The following TAS2R4 variants were observed in gnomAD, a reference collection of about 807,000 sequenced individuals.
TAS2R4 encodes the protein taste 2 receptor member 4, also known as taste receptor type 2 member 4.
TAS2R4 carries 18 observed loss-of-function variants against 14.3 expected under a neutral mutation model. That is an observed-to-expected ratio of 1.26 (90% CI 0.87 to 1.86). The LOEUF (loss-of-function observed/expected upper bound fraction) is 1.86. TAS2R4 is among the 40% of genes most tolerant of loss of function. TAS2R4 has a pLI of 0.00. For missense variants in TAS2R4, 306 were observed against 342.7 expected, an observed-to-expected ratio of 0.89 and a Z score of 0.85; for synonymous variants, 130 against 138.5, an observed-to-expected ratio of 0.94 and a Z score of 0.43.
rs904738566 is a variant in TAS2R4 at position 141,777,609 on chromosome 7, C to T, written c.-880C>T. Among the ~76,000 whole-genome samples the T allele has an allele frequency of 2.0e-5, 3 of 152,192 alleles. No homozygotes were observed. The highest frequency in any genetic ancestry group is 7.2e-5 in the African/African-American group (3 of 41,460). On this transcript the variant is annotated 5_prime_UTR_variant, in exon 1 of 1. Transcript: ENST00000247881. ...ATGCCTAGCTGTTTGGCTCACAAAA[C>T]TACAACTAATGCATTACTGTGTATC...
Position 141,778,673 on chromosome 7 carries a change from T to G in TAS2R4, c.185T>G (p.Phe62Cys), listed in dbSNP as rs373827094. 37 of 1,614,224 alleles carry G rather than the reference T, an allele frequency of 2.3e-5. No individual in the cohort carries two copies. The highest frequency in any genetic ancestry group is 2.7e-5 in the Non-Finnish European group (32 of 1,180,042). ...GITRFLMLGL[F>C]LVNTIYFVSS... ...ACCAGGTTTCTTATGCTGGGACTAT[T>G]TCTGGTGAACACCATCTACTTCGTC... The change falls in exon 1 of 1, where the codon TTT (phenylalanine) becomes TGT (cysteine). Residue 62 changes from phenylalanine (F) to cysteine (C), a missense_variant. By Grantham distance (205) the Phe-to-Cys change is radical. Transcript: ENST00000247881.
rs1800256554 is a variant in TAS2R4, at chr7:141,777,371, T to C, written c.-1118T>C. Among the ~76,000 whole-genome samples the C allele has an allele frequency of 2.6e-5, 4 of 152,330 alleles. No homozygotes were observed. In the South Asian group the frequency reaches 6.2e-4, roughly 24 times the overall value. ...GCTCCTTTTTCTTGTCTGTTTCTAT[T>C]TGGACTTGGCAGTAGGACTTTGTGC... is the stretch of plus-strand genomic sequence containing the variant. On this transcript the variant is annotated 5_prime_UTR_variant, in exon 1 of 1. Transcript: ENST00000247881.
Position 141,779,675 on chromosome 7 carries a change from T to A in TAS2R4, c.*287T>A, listed in dbSNP as rs902755520. 4.2e-5 allele frequency: 13 copies of A among 312,500 alleles called. No homozygotes were observed. Among genetic ancestry groups the A allele is most frequent in the Non-Finnish European group, 2.4e-5 (4 of 169,456 alleles). The allele number at this position is 312,500 out of a possible 1,614,324, so 19.4% of individuals were successfully genotyped here. On this transcript the variant is annotated 3_prime_UTR_variant, in exon 1 of 1. Coordinates refer to ENST00000247881, the MANE Select transcript of TAS2R4 (RefSeq NM_016944.2). ...AATGGAAATCATCACATTGTTTCAT[T>A]GTCTATTGAAGTATAATGGGAAATT...
chr7:141,778,620 T>C lies in TAS2R4; in HGVS notation c.132T>C (p.Ser44=), dbSNP rs781766227. The stretch of plus-strand genomic sequence containing the variant: ...TCAAAAGCCATAGAATCTCCTCTTC[T>C]GATAGGATTCTGTTCAGCCTGGGCA... ...TWVKSHRISS[S]DRILFSLGIT... The change falls in exon 1 of 1, where the codon TCT becomes TCC. Residue 44 remains serine, a synonymous_variant. Transcript: ENST00000247881. The C allele has an allele frequency of 1.7e-5, 28 of 1,614,116 alleles. 1 individual carries two copies. In the South Asian group the frequency reaches 3.1e-4, roughly 18 times the overall value.
At position 141,779,569 on chromosome 7, in the gene TAS2R4, T is replaced by C. The variant is rs1202424706; in HGVS notation, c.*181T>C. The C allele has an allele frequency of 5.2e-6, 3 of 581,722 alleles. No homozygotes were observed. The highest frequency in any genetic ancestry group is 8.4e-6 in the Non-Finnish European group (3 of 357,220). The allele number at this position is 581,722 out of a possible 1,614,324, so 36.0% of individuals were successfully genotyped here. A position where few individuals can be genotyped will look rare whatever the true frequency, so the allele number is the denominator to read the frequency against. ...TTTTTTTTTTTGGTATGTAAGTATT[T>C]TAAAATAAGGCACATTCTGTAAGAA... On this transcript the variant is annotated 3_prime_UTR_variant, in exon 1 of 1. Transcript: ENST00000247881.
Position 141,777,463 on chromosome 7 carries a change from C to G in TAS2R4, c.-1026C>G, listed in dbSNP as rs979330807. Among the ~76,000 whole-genome samples, 1 of 152,208 alleles carries G rather than the reference C, an allele frequency of 6.6e-6. No homozygotes were observed. The highest frequency in any genetic ancestry group is 2.4e-5 in the African/African-American group (1 of 41,454). On this transcript the variant is annotated 5_prime_UTR_variant, in exon 1 of 1. Coordinates refer to ENST00000247881, the MANE Select transcript of TAS2R4 (RefSeq NM_016944.2). ...AGGATTGCACCTTGGTTTCATTCAG[C>G]TGCTAGAGAAGATAAGAGATGCCAT... is the stretch of plus-strand genomic sequence containing the variant.
chr7:141,780,346 G>A lies in TAS2R4; in HGVS notation c.*958G>A, dbSNP rs982484807. ...TTCTGGAAAAGAGGATATTGCCAGA[G>A]TTGGTAAGTAGAGGAAAGTGATTAG... is the stretch of plus-strand genomic sequence containing the variant. On this transcript the variant is annotated 3_prime_UTR_variant, in exon 1 of 1. Coordinates refer to ENST00000247881, the MANE Select transcript of TAS2R4 (RefSeq NM_016944.2). 2.0e-5 allele frequency: 3 copies of A among 152,198 alleles called. No individual in the cohort carries two copies. The highest frequency in any genetic ancestry group is 4.4e-5 in the Non-Finnish European group (3 of 68,030). 9.4% of individuals were successfully genotyped at this position (152,198 alleles called of 1,614,324 possible).
rs1451209468 is a variant in TAS2R4 at position 141,780,666 on chromosome 7, A to G, written c.*1278A>G. ...GCTGGGACCATTGGACTGTGGCTCC[A>G]AAAGAACAACAGTCTGAAGATGGGA... On this transcript the variant is annotated 3_prime_UTR_variant, in exon 1 of 1. Coordinates refer to ENST00000247881, the MANE Select transcript of TAS2R4 (RefSeq NM_016944.2). 1.3e-5 allele frequency: 2 copies of G among 152,198 alleles called. No individual in the cohort carries two copies. The highest frequency in any genetic ancestry group is 4.8e-5 in the African/African-American group (2 of 41,450). The allele number at this position is 152,198 out of a possible 1,614,324, so 9.4% of individuals were successfully genotyped here.
In TAS2R4 at chr7:141,780,456, A is replaced by G. The variant is rs1800308400; in HGVS notation, c.*1068A>G. The G allele has an allele frequency of 6.6e-6, 1 of 152,232 alleles. No individual in the cohort carries two copies. The highest frequency in any genetic ancestry group is 1.5e-5 in the Non-Finnish European group (1 of 68,034). The allele number at this position is 152,232 out of a possible 1,614,324, so 9.4% of individuals were successfully genotyped here. A position where few individuals can be genotyped will look rare whatever the true frequency, so the allele number is the denominator to read the frequency against. On this transcript the variant is annotated 3_prime_UTR_variant, in exon 1 of 1. Coordinates refer to ENST00000247881, the MANE Select transcript of TAS2R4 (RefSeq NM_016944.2). ...TAAGGTCAAAGGCAAGTGCTAGATA[A>G]TGAAATTAACACCATATGAGTACAA...
rs1213473625 is a variant in TAS2R4 at position 141,778,581 on chromosome 7, T to C, written c.93T>C (p.Asn31=). Residue 31 remains asparagine, a synonymous_variant, in exon 1 of 1, where the codon AAT becomes AAC. Transcript: ENST00000247881. The part of the protein sequence containing the change: ...IIMNLFITVV[N]CKTWVKSHRI... Reference sequence around the variant, plus strand: ...TGAATCTGTTTATTACAGTGGTCAATTGCAAAACTTGGGTCAAAAGCCATA... The same window carrying C: ...TGAATCTGTTTATTACAGTGGTCAACTGCAAAACTTGGGTCAAAAGCCATA... 2.5e-6 allele frequency: 4 copies of C among 1,614,240 alleles called. No homozygotes were observed. In the South Asian group the frequency reaches 4.4e-5, roughly 18 times the overall value.
rs1445693940 is a variant in TAS2R4, at chr7:141,778,902, G to A, written c.414G>A (p.Leu138=). 1.9e-6 allele frequency: 3 copies of A among 1,614,062 alleles called. No individual in the cohort carries two copies. Among genetic ancestry groups the A allele is most frequent in the Non-Finnish European group, 2.5e-6 (3 of 1,180,050 alleles). Residue 138 remains leucine, a synonymous_variant, in exon 1 of 1, where the codon CTG becomes CTA. Transcript: ENST00000247881. ...KIPRLLLACV[L]ISAFTTCLYI... is the part of the protein sequence containing the mutation. The stretch of plus-strand genomic sequence containing the variant: ...CCAGGCTGCTGCTGGCCTGTGTGCT[G>A]ATTTCTGCTTTCACCACTTGCCTGT...
rs1281680045 is a variant in TAS2R4, at chr7:141,779,955, C to T, written c.*567C>T. On this transcript the variant is annotated 3_prime_UTR_variant, in exon 1 of 1. Transcript: ENST00000247881. Reference sequence around the variant, plus strand: ...AGGCGCGGTGGCTCATGCTTGTAATCCCAGCTCTTTGGGAGGCCGAGGCAG... The same window carrying T: ...AGGCGCGGTGGCTCATGCTTGTAATTCCAGCTCTTTGGGAGGCCGAGGCAG... 6.5e-6 allele frequency: 1 copy of T among 152,846 alleles called. No individual in the cohort carries two copies. Among genetic ancestry groups the T allele is most frequent in the East Asian group, 1.9e-4 (1 of 5,218 alleles). 9.5% of individuals were successfully genotyped at this position (152,846 alleles called of 1,614,324 possible). A position where few individuals can be genotyped will look rare whatever the true frequency, so the allele number is the denominator to read the frequency against.
rs146151246 is a variant in TAS2R4 at position 141,779,364 on chromosome 7, G to A, written c.876G>A (p.Lys292=). 15 of 1,599,806 alleles carry A rather than the reference G, an allele frequency of 9.4e-6. No individual in the cohort carries two copies. Among genetic ancestry groups the A allele is most frequent in the African/African-American group, 6.7e-5 (5 of 74,546 alleles). ...ITHPKLKTTA[K]KILCFKK ...ATCCTAAACTGAAAACAACAGCAAA[G>A]AAGATTCTTTGTTTCAAAAAATAGT... The change falls in exon 1 of 1, where the codon AAG becomes AAA. Residue 292 remains lysine, a synonymous_variant. Transcript: ENST00000247881.
chr7:141,778,428 T>C lies in TAS2R4; in HGVS notation c.-61T>C. The C allele has an allele frequency of 6.8e-7, 1 of 1,462,974 alleles. No homozygotes were observed. Among genetic ancestry groups the C allele is most frequent in the African/African-American group, 1.4e-5 (1 of 71,086 alleles). The allele number at this position is 1,462,974 out of a possible 1,614,324, so 90.6% of individuals were successfully genotyped here. On this transcript the variant is annotated 5_prime_UTR_variant, in exon 1 of 1. Coordinates refer to ENST00000247881, the MANE Select transcript of TAS2R4 (RefSeq NM_016944.2). Reference sequence around the variant, plus strand: ...TGGATACTGGTGTCTGCTTATACATTTTGGTATTTCTTCTGCCTCCACTAT... The same window carrying C: ...TGGATACTGGTGTCTGCTTATACATCTTGGTATTTCTTCTGCCTCCACTAT...
rs1800261008 is a variant in TAS2R4, at chr7:141,777,733, G to A, written c.-756G>A. Among the ~76,000 whole-genome samples, 1 of 152,154 alleles carries A rather than the reference G, an allele frequency of 6.6e-6. No homozygotes were observed. Among genetic ancestry groups the A allele is most frequent in the African/African-American group, 2.4e-5 (1 of 41,424 alleles). ...AGATTTATAAAGGAAACACCTACAAGGGCTGACTTAATTTTTTCTAAGGAA... is the reference window on the plus strand; with the variant it reads ...AGATTTATAAAGGAAACACCTACAAAGGCTGACTTAATTTTTTCTAAGGAA... On this transcript the variant is annotated 5_prime_UTR_variant, in exon 1 of 1. Coordinates refer to ENST00000247881, the MANE Select transcript of TAS2R4 (RefSeq NM_016944.2).
chr7:141,778,644 C>T lies in TAS2R4; in HGVS notation c.156C>T (p.Gly52=), dbSNP rs749499865. The T allele has an allele frequency of 1.5e-5, 24 of 1,614,112 alleles. No homozygotes were observed. In the African/African-American group the frequency reaches 2.8e-4, roughly 19 times the overall value. Residue 52 remains glycine (G), a synonymous_variant, in exon 1 of 1, where the codon GGC becomes GGT. Coordinates refer to ENST00000247881, the MANE Select transcript of TAS2R4 (RefSeq NM_016944.2). ...SSSDRILFSL[G]ITRFLMLGLF... ...CTGATAGGATTCTGTTCAGCCTGGG[C>T]ATCACCAGGTTTCTTATGCTGGGAC...
rs1160211267 is a variant in TAS2R4 at position 141,778,886 on chromosome 7, T to C, written c.398T>C (p.Leu133Pro). The C allele has an allele frequency of 3.1e-6, 5 of 1,614,238 alleles. No individual in the cohort carries two copies. The East Asian group carries it at 6.7e-5, about 22-fold the overall frequency. The change falls in exon 1 of 1, where the codon CTG becomes CCG. Residue 133 changes from leucine (L) to proline (P), a missense_variant. Physicochemically the swap from Leu to Pro is moderately conservative, Grantham distance 98. Transcript: ENST00000247881. ...ATCTCCCCAAAGATCCCCAGGCTGC[T>C]GCTGGCCTGTGTGCTGATTTCTGCT... Reference protein sequence around the residue: ...RNISPKIPRLLLACVLISAFT... With the variant: ...RNISPKIPRLPLACVLISAFT...
rs560430055 is a variant in TAS2R4 at position 141,778,202 on chromosome 7, C to T, written c.-287C>T. ...CCTGCTGTGACTCTTCCCTCTCGCC[C>T]TCCTGCTCTTGGAGGAGTGGACTCC... On this transcript the variant is annotated 5_prime_UTR_variant, in exon 1 of 1. Coordinates refer to ENST00000247881, the MANE Select transcript of TAS2R4 (RefSeq NM_016944.2). 1.4e-4 allele frequency among the ~76,000 whole-genome samples: 21 copies of T among 152,280 alleles called. No individual in the cohort carries two copies. The highest frequency in any genetic ancestry group is 5.1e-4 in the African/African-American group (21 of 41,556).
In TAS2R4 at chr7:141,779,182, A is replaced by T; in HGVS notation, c.694A>T (p.Met232Leu). The change falls in exon 1 of 1, where the codon ATG (methionine) becomes TTG (leucine). Residue 232 changes from methionine (M) to leucine (L), a missense_variant. Physicochemically the swap from Met to Leu is conservative, Grantham distance 15. Transcript: ENST00000247881. ...AGCTCATGTAGGTGCTATGAAGCTG[A>T]TGGTCTATTTCCTCATCCTCTACAT... ...TEAHVGAMKL[M>L]VYFLILYIPY... 6.2e-7 allele frequency: 1 copy of T among 1,614,132 alleles called. No individual in the cohort carries two copies. The highest frequency in any genetic ancestry group is 8.5e-7 in the Non-Finnish European group (1 of 1,179,998).
Sources: allele counts gnomAD v4.1 joint callset (sites outside exome capture counted in the v4.1 genomes callset), GRCh38; gene constraint gnomAD v4.1.1; transcripts MANE v1.5; gene names NCBI Gene and HGNC (gene_info 2026-07-23, HGNC 2026-07-21).